The following SELENOF variants were observed in gnomAD, a reference collection of about 807,000 sequenced individuals.
The protein encoded by SELENOF is 15 kDa selenoprotein.
A neutral mutation model predicts 20.5 loss-of-function variants in SELENOF; 16 were observed. That is an observed-to-expected ratio of 0.78 (90% CI 0.53 to 1.19). SELENOF has a LOEUF of 1.19. SELENOF is among the 50% of genes most tolerant of loss of function. The pLI, the probability that SELENOF is intolerant of heterozygous loss-of-function variation, is 0.00. For missense variants in SELENOF, 215 were observed against 194.2 expected, an observed-to-expected ratio of 1.11 and a Z score of -0.64; for synonymous variants, 78 against 74.5, an observed-to-expected ratio of 1.05 and a Z score of -0.24.
At position 86,903,400 on chromosome 1, in the gene SELENOF, C is replaced by T. The variant is rs1345282710; in HGVS notation, c.133G>A (p.Gly45Ser). 6.2e-7 allele frequency: 1 copy of T among 1,611,514 alleles called. No homozygotes were observed. The highest frequency in any genetic ancestry group is 1.7e-5 in the Admixed American group (1 of 59,608). Residue 45 changes from glycine (G) to serine (S), a missense_variant, in exon 2 of 5, where the codon GGC (glycine) becomes AGC (serine). Coordinates refer to ENST00000331835, the MANE Select transcript of SELENOF (RefSeq NM_004261.5). ...EFSSEACREL[G>S]FSSNLLCSSC... Reference sequence around the variant, plus strand: ...CTGCAAAGCAAGTTGCTAGAAAAGCCTAACTCTCTGCATGCCTCCGATGAA... The same window carrying T: ...CTGCAAAGCAAGTTGCTAGAAAAGCTTAACTCTCTGCATGCCTCCGATGAA...
At chr1:86,900,329 C>T (rs534643569) in intron 2 of SELENOF, among the ~76,000 whole-genome samples, 1 of 152,206 alleles carries the variant, frequency 6.6e-6, no homozygotes, top group Non-Finnish European at 1.5e-5. Context: ...ACACCGTCTG[C>T]AATCCCGGCA....
Position 86,903,247 on chromosome 1 carries a change from C to T in SELENOF, c.252+34G>A, listed in dbSNP as rs370471022. ...CATTTTTACCTTATCTCAACTAAACCATCCAATGGAAGGAATATACTAGAA... is the reference window on the plus strand; with the variant it reads ...CATTTTTACCTTATCTCAACTAAACTATCCAATGGAAGGAATATACTAGAA... On this transcript the variant is annotated intron_variant, in intron 2 of 4. Transcript: ENST00000331835. The T allele has an allele frequency of 1.3e-5, 21 of 1,570,310 alleles. No homozygotes were observed. In the African/African-American group the frequency reaches 2.7e-4, roughly 21 times the overall value.
intron 3 of SELENOF, among the ~76,000 whole-genome samples, chr1:86,874,448 C>T (rs1387611743): frequency 1.3e-5 from 2 of 152,112 alleles, no homozygotes; most frequent in African/African-American, 4.8e-5. Context: ...TAGGACTTAG[C>T]AAGTCATTCA....
At chr1:86,880,133 G>T (rs928669694) in intron 3 of SELENOF, among the ~76,000 whole-genome samples, 1 of 151,446 alleles carries the variant, frequency 6.6e-6, no homozygotes, top group Non-Finnish European at 1.5e-5. Flanking sequence ...TTTTAAATCT[G>T]AATTTCTTTT....
chr1:86,903,581 T>C, intron 1 of SELENOF, 133 bp from the exon 2 acceptor site: 1 of 636,556 alleles, frequency 1.6e-6, no homozygotes, highest in Non-Finnish European at 2.5e-6. Context: ...TGGAGATAAA[T>C]TCTTTTAAAT....
At chr1:86,884,446 T>C (rs926957879) in intron 2 of SELENOF, among the ~76,000 whole-genome samples, 2 of 152,038 alleles carry the variant, frequency 1.3e-5, no homozygotes, top group African/African-American at 4.8e-5. Context: ...CTGGAAAATA[T>C]TTGTTTTTCA....
chr1:86,863,591 T>C lies in SELENOF; in HGVS notation c.381A>G (p.Ser127=). Residue 127 remains serine, a synonymous_variant, in exon 5 of 5, where the codon TCA becomes TCG. Coordinates refer to ENST00000331835, the MANE Select transcript of SELENOF (RefSeq NM_004261.5). ...CGTCCAAAAGCTTTAATACAGGGTCTGAACCACGGACATACTACAAAAAAG... is the reference window on the plus strand; with the variant it reads ...CGTCCAAAAGCTTTAATACAGGGTCCGAACCACGGACATACTACAAAAAAG... The part of the protein sequence containing the change: ...RGLQIKYVRG[S]DPVLKLLDDN... 6.2e-7 allele frequency: 1 copy of C among 1,613,568 alleles called. No individual in the cohort carries two copies. The highest frequency in any genetic ancestry group is 8.5e-7 in the Non-Finnish European group (1 of 1,179,736).
intron 2 of SELENOF, among the ~76,000 whole-genome samples, chr1:86,900,578 G>A (rs1313836698): frequency 6.6e-6 from 1 of 152,104 alleles, no homozygotes; most frequent in East Asian, 1.9e-4. Flanking sequence ...GGAGACCGTG[G>A]AAAGAGAGGG....
intron 1 of SELENOF, among the ~76,000 whole-genome samples, chr1:86,912,281 A>G (rs1220294293): frequency 1.3e-5 from 2 of 152,232 alleles, no homozygotes. Flanking sequence ...TTCCCTGGAT[A>G]TGATATATGT....
At chr1:86,913,789 T>C in intron 1 of SELENOF, 1 of 542,176 alleles carries the variant, frequency 1.8e-6, no homozygotes, top group Non-Finnish European at 3.3e-6. Context: ...AAGAGCCGTA[T>C]AAGAGAAGCT....
chr1:86,903,148 G>A, intron 2 of SELENOF, 133 bp downstream of exon 2: 1 of 728,134 alleles, frequency 1.4e-6, no homozygotes, highest in Non-Finnish European at 2.2e-6. Flanking sequence ...GGCCAGACAA[G>A]AAATCAGTTG....
At chr1:86,895,173 T>C (rs1659486077) in intron 2 of SELENOF, among the ~76,000 whole-genome samples, 1 of 152,222 alleles carries the variant, frequency 6.6e-6, no homozygotes, top group South Asian at 2.1e-4. Context: ...TTCCTCTTGA[T>C]TCGACTAATC....
chr1:86,863,332 C>G lies in SELENOF; in HGVS notation c.*142G>C, dbSNP rs1193779243. 4 of 685,146 alleles carry G rather than the reference C, an allele frequency of 5.8e-6. No homozygotes were observed. Among genetic ancestry groups the G allele is most frequent in the Non-Finnish European group, 7.0e-6 (3 of 429,428 alleles). 42.4% of individuals were successfully genotyped at this position (685,146 alleles called of 1,614,324 possible). A position where few individuals can be genotyped will look rare whatever the true frequency, so the allele number is the denominator to read the frequency against. ...TCCTTAGATATCATGGACTATACTGCCATTTCACGATTTAATTAGATATTT... is the reference window on the plus strand; with the variant it reads ...TCCTTAGATATCATGGACTATACTGGCATTTCACGATTTAATTAGATATTT... On this transcript the variant is annotated 3_prime_UTR_variant, in exon 5 of 5. Transcript: ENST00000331835.
chr1:86,910,530 C>T (rs1317386616), intron 1 of SELENOF, among the ~76,000 whole-genome samples: 1 of 151,712 alleles, frequency 6.6e-6, no homozygotes, highest in African/African-American at 2.4e-5. Context: ...ATGGTGAAAC[C>T]CCGTCTCTAC....
In SELENOF at chr1:86,902,440, A is replaced by G. The variant is rs28537472; in HGVS notation, c.252+841T>C. ...TTACTGTTAAAAACAAACCTTTACT[A>G]CCAATAATAATAACACATCATTATG... is the stretch of plus-strand genomic sequence containing the variant. On this transcript the variant is annotated intron_variant, in intron 2 of 4. Coordinates refer to ENST00000331835, the MANE Select transcript of SELENOF (RefSeq NM_004261.5). Among the ~76,000 whole-genome samples, 947 of 152,306 alleles carry G rather than the reference A, an allele frequency of 6.2e-3. 11 individuals are homozygous for G. Among genetic ancestry groups the G allele is most frequent in the African/African-American group, 0.022 (913 of 41,578 alleles).
chr1:86,874,001 T>C (rs1195908025), intron 3 of SELENOF, among the ~76,000 whole-genome samples: 1 of 151,986 alleles, frequency 6.6e-6, no homozygotes, highest in East Asian at 1.9e-4. Flanking sequence ...TCTACCATTA[T>C]GGGCAGAAAG....
chr1:86,912,750 G>A (rs987768653), intron 1 of SELENOF, among the ~76,000 whole-genome samples: 8 of 152,096 alleles, frequency 5.3e-5, no homozygotes, highest in African/African-American at 1.9e-4. Context: ...TGACCTACTA[G>A]GTCAACAAAA....
At chr1:86,876,785 T>C (rs534238731) in intron 3 of SELENOF, among the ~76,000 whole-genome samples, 2 of 152,252 alleles carry the variant, frequency 1.3e-5, no homozygotes, top group East Asian at 1.9e-4. Flanking sequence ...AAAGAAATGT[T>C]AGAAGTAGCA....
In SELENOF at chr1:86,868,105, T is replaced by TGGACTTGAGGGAACCTTCCCAATTTTC; in HGVS notation, c.317-4_317-3insGAAAATTGGGAAGGTTCCCTCAAGTCC. 4.8e-6 allele frequency: 7 copies of TGGACTTGAGGGAACCTTCCCAATTTTC among 1,472,564 alleles called. No homozygotes were observed. Among genetic ancestry groups the TGGACTTGAGGGAACCTTCCCAATTTTC allele is most frequent in the Non-Finnish European group, 6.5e-6 (7 of 1,082,220 alleles). The allele number at this position is 1,472,564 out of a possible 1,614,324, so 91.2% of individuals were successfully genotyped here. ...GGGTTTATCACTCCTAACAAAAGCTTATAAAAAAAGAAAAAAAGATTCAGT... is the reference window on the plus strand; with the variant it reads ...GGGTTTATCACTCCTAACAAAAGCTTGGACTTGAGGGAACCTTCCCAATTTTCATAAAAAAAGAAAAAAAGATTCAGT... On this transcript the variant is annotated splice_polypyrimidine_tract_variant and splice_region_variant and intron_variant, in intron 3 of 4. Coordinates refer to ENST00000331835, the MANE Select transcript of SELENOF (RefSeq NM_004261.5).
Sources: gnomAD v4.1 joint callset for allele counts (sites outside exome capture counted in the v4.1 genomes callset) on GRCh38, gnomAD v4.1.1 for gene constraint, MANE v1.5 for transcripts, NCBI Gene and HGNC (gene_info 2026-07-23, HGNC 2026-07-21) for gene names.